NCAPD3: variants seen among roughly 807,000 people sequenced by gnomAD.
NCAPD3 encodes the protein condensin-2 complex subunit D3.
NCAPD3 carries 105 observed loss-of-function variants against 182.9 expected under a neutral mutation model. The ratio of observed to expected loss-of-function variants is 0.57; its 90% CI spans 0.49 to 0.68. The LOEUF is 0.68. Ranked by LOEUF, NCAPD3 falls within the 30% of genes least tolerant of loss-of-function variation. The probability of loss-of-function intolerance (pLI) is 0.00; values close to 1 mark genes in which losing one functional copy is unlikely to be tolerated. For synonymous variants in NCAPD3, 815 were observed against 679.9 expected (o/e 1.20, Z -3.09); for missense variants, 1,944 against 1,837.0 (o/e 1.06, Z -1.07).
chr11:134,167,725 C>T (rs1445677324), intron 27 of NCAPD3, among the ~76,000 whole-genome samples: 20 of 120,084 alleles, frequency 1.7e-4, no homozygotes, highest in African/African-American at 4.3e-4. Flanking sequence ...TTGGGGGAGG[C>T]GCACACTCGT....
chr11:134,152,839 G>T lies in NCAPD3; in HGVS notation c.*105C>A. ...GAGCTCTCGTGTTCCACAGCAAAGCGCTGCCCAAGGACTGCGGGAAGTGAT... is the reference window on the plus strand; with the variant it reads ...GAGCTCTCGTGTTCCACAGCAAAGCTCTGCCCAAGGACTGCGGGAAGTGAT... On this transcript the variant is annotated 3_prime_UTR_variant, in exon 35 of 35. Transcript: ENST00000534548. 1 of 889,422 alleles carries T rather than the reference G, an allele frequency of 1.1e-6. No homozygotes were observed. Among genetic ancestry groups the T allele is most frequent in the Non-Finnish European group, 1.7e-6 (1 of 572,340 alleles). 55.1% of individuals were successfully genotyped at this position (889,422 alleles called of 1,614,324 possible).
At position 134,152,813 on chromosome 11, in the gene NCAPD3, G is replaced by A; in HGVS notation, c.*131C>T. On this transcript the variant is annotated 3_prime_UTR_variant, in exon 35 of 35. Transcript: ENST00000534548. The stretch of plus-strand genomic sequence containing the variant: ...AAGGTGAGTGCCAGGCCCCTGAGGA[G>A]GAGCTCTCGTGTTCCACAGCAAAGC... 1.5e-6 allele frequency: 1 copy of A among 688,978 alleles called. No homozygotes were observed. The highest frequency in any genetic ancestry group is 2.5e-6 in the Non-Finnish European group (1 of 402,158). The allele number at this position is 688,978 out of a possible 1,614,324, so 42.7% of individuals were successfully genotyped here. A position where few individuals can be genotyped will look rare whatever the true frequency, so the allele number is the denominator to read the frequency against.
rs1303781776 is a variant in NCAPD3, at chr11:134,204,228, C to T, written c.1090-57G>A. The T allele has an allele frequency of 5.7e-6, 9 of 1,584,476 alleles. No individual in the cohort carries two copies. Among genetic ancestry groups the T allele is most frequent in the Non-Finnish European group, 6.9e-6 (8 of 1,162,040 alleles). On this transcript the variant is annotated intron_variant, in intron 9 of 34. Coordinates refer to ENST00000534548, the MANE Select transcript of NCAPD3 (RefSeq NM_015261.3). The surrounding 1 kb of genome is among the most constrained non-coding windows in gnomAD (Gnocchi z 4.3). The stretch of plus-strand genomic sequence containing the variant: ...ATATCCACCCGCAGGATGGCTGAAA[C>T]ATATTCTGTAATATAAGTTGAAAGT...
Position 134,178,810 on chromosome 11 carries a change from CA to C in NCAPD3, c.2674+11del, listed in dbSNP as rs151233367. ...GCATGCGTGCTACAGAGTATGATTT[CA>C]AATGCCTTACAGTGGTCAGCATCAG... is the stretch of plus-strand genomic sequence containing the variant. On this transcript the variant is annotated intron_variant, in intron 21 of 34. Transcript: ENST00000534548. The C allele has an allele frequency of 1.5e-5, 24 of 1,613,772 alleles. No homozygotes were observed. The highest frequency in any genetic ancestry group is 1.9e-5 in the Non-Finnish European group (23 of 1,179,716).
chr11:134,159,925 C>T lies in NCAPD3; in HGVS notation c.3834G>A (p.Thr1278=), dbSNP rs746836511. The T allele has an allele frequency of 5.8e-5, 93 of 1,613,554 alleles. No individual in the cohort carries two copies. Among genetic ancestry groups the T allele is most frequent in the Admixed American group, 6.7e-5 (4 of 60,006 alleles). ...CAGGTGCCACCTCAGCACCTCCAGCCGTCCCGGCCACATCTGCATGTTTTG... is the reference window on the plus strand; with the variant it reads ...CAGGTGCCACCTCAGCACCTCCAGCTGTCCCGGCCACATCTGCATGTTTTG... ...ELAKHADVAG[T]AGGAEVAPVA... Residue 1278 remains threonine, a synonymous_variant, in exon 29 of 35, where the codon ACG becomes ACA. Transcript: ENST00000534548.
intron 26 of NCAPD3, 39 bp downstream of exon 26, chr11:134,168,430 G>A: frequency 6.2e-7 from 1 of 1,610,684 alleles, no homozygotes; most frequent in Non-Finnish European, 8.5e-7. Flanking sequence ...CATTTCATTT[G>A]CAAACACACA....
At chr11:134,223,759 C>T in intron 1 of NCAPD3, 104 bp downstream of exon 1, 1 of 1,383,190 alleles carries the variant, frequency 7.2e-7, no homozygotes, top group Non-Finnish European at 1.0e-6. Context: ...CAGCCGGGCG[C>T]CCCCACCCCG....
intron 3 of NCAPD3, among the ~76,000 whole-genome samples, chr11:134,210,711 G>A (rs374388608): frequency 1.3e-5 from 2 of 152,104 alleles, no homozygotes; most frequent in East Asian, 3.9e-4. Context: ...TAGAAAACTG[G>A]GCAAAAATTT....
intron 24 of NCAPD3, among the ~76,000 whole-genome samples, chr11:134,170,452 C>G (rs567917584): frequency 4.9e-4 from 75 of 152,334 alleles, no homozygotes; most frequent in African/African-American, 1.6e-3. Flanking sequence ...AAAAAAACCA[C>G]TAAACAAACA....
chr11:134,180,106 G>T (rs887660346), intron 20 of NCAPD3, among the ~76,000 whole-genome samples: 1 of 152,022 alleles, frequency 6.6e-6, no homozygotes, highest in Non-Finnish European at 1.5e-5. Flanking sequence ...AATGAGAAGA[G>T]CAAGACCCTC....
chr11:134,168,359 G>A, intron 26 of NCAPD3, 110 bp downstream of exon 26: 2 of 1,522,338 alleles, frequency 1.3e-6, no homozygotes, highest in Admixed American at 3.4e-5. Flanking sequence ...AGATGACAGG[G>A]GTCTTCCTGC....
At chr11:134,183,342 G>A (rs1038192606) in intron 19 of NCAPD3, among the ~76,000 whole-genome samples, 1 of 152,156 alleles carries the variant, frequency 6.6e-6, no homozygotes, top group African/African-American at 2.4e-5. Context: ...GCTGAAGCAG[G>A]CGATCACTTG....
intron 24 of NCAPD3, among the ~76,000 whole-genome samples, chr11:134,175,666 C>A (rs1944143139): frequency 6.6e-6 from 1 of 152,006 alleles, no homozygotes; most frequent in Non-Finnish European, 1.5e-5. Context: ...TGCAGACTTG[C>A]TTGAAAAAGA....
chr11:134,168,825 G>T, intron 25 of NCAPD3, 92 bp downstream of exon 25: 1 of 1,488,088 alleles, frequency 6.7e-7, no homozygotes, highest in Non-Finnish European at 9.1e-7. Flanking sequence ...CAGGGTCTGC[G>T]TCCAATCACT....
At position 134,153,376 on chromosome 11, in the gene NCAPD3, G is replaced by GAGAC. The variant is rs758111312; in HGVS notation, c.4253-17_4253-14dup. The stretch of plus-strand genomic sequence containing the variant: ...TCACTGATGCTCTCTGCATAAAGAG[G>GAGAC]AGACACCACTGAGTGAAAGCCGCGT... On this transcript the variant is annotated splice_polypyrimidine_tract_variant and intron_variant, in intron 32 of 34. Transcript: ENST00000534548. The GAGAC allele has an allele frequency of 1.2e-6, 2 of 1,613,886 alleles. No individual in the cohort carries two copies. The highest frequency in any genetic ancestry group is 8.5e-7 in the Non-Finnish European group (1 of 1,179,864).
chr11:134,168,961 G>A lies in NCAPD3; in HGVS notation c.3195C>T (p.Asn1065=), dbSNP rs1226853080. The change falls in exon 25 of 35, where the codon AAC becomes AAT. Residue 1065 remains asparagine, a synonymous_variant. Transcript: ENST00000534548. ...HFIECIFHFN[N]YEKHEKYNKF... Reference sequence around the variant, plus strand: ...TGTTGTACTTCTCATGCTTCTCATAGTTATTAAAGTGAAAAATACATTCAA... The same window carrying A: ...TGTTGTACTTCTCATGCTTCTCATAATTATTAAAGTGAAAAATACATTCAA... 4 of 1,613,852 alleles carry A rather than the reference G, an allele frequency of 2.5e-6. No homozygotes were observed. The highest frequency in any genetic ancestry group is 1.3e-5 in the African/African-American group (1 of 74,882).
rs778651677 is a variant in NCAPD3 at position 134,203,876 on chromosome 11, C to T, written c.1246G>A (p.Val416Ile). The T allele has an allele frequency of 1.3e-5, 21 of 1,614,032 alleles. No homozygotes were observed. Among genetic ancestry groups the T allele is most frequent in the Non-Finnish European group, 1.7e-5 (20 of 1,179,950 alleles). The change falls in exon 11 of 35, where the codon GTC becomes ATC. Residue 416 changes from valine to isoleucine, a missense_variant. Around this residue, in one of 3 missense-constraint regions of NCAPD3, gnomAD observed 1,803 missense variants for 1,674.6 expected, o/e 1.08. Transcript: ENST00000534548. The part of the protein sequence containing the change: ...IPHRVFTLDV[V>I]LALLELPERE... The stretch of plus-strand genomic sequence containing the variant: ...TCAGGCAGTTCTAACAGAGCTAAGA[C>T]AACATCAAGAGTAAAAACCCGGTGT...
At position 134,216,917 on chromosome 11, in the gene NCAPD3, T is replaced by C. The variant is rs1452829965; in HGVS notation, c.382+19A>G. On this transcript the variant is annotated intron_variant, in intron 3 of 34. Coordinates refer to ENST00000534548, the MANE Select transcript of NCAPD3 (RefSeq NM_015261.3). The stretch of plus-strand genomic sequence containing the variant: ...AAAAAATGACAGAAGATTTATCCTA[T>C]CATATCAGGTCTACATACCTGGTAC... 3 of 1,578,148 alleles carry C rather than the reference T, an allele frequency of 1.9e-6. No individual in the cohort carries two copies. Among genetic ancestry groups the C allele is most frequent in the African/African-American group, 1.4e-5 (1 of 72,800 alleles).
chr11:134,222,622 T>C (rs1431512734), intron 1 of NCAPD3, among the ~76,000 whole-genome samples: 1 of 152,170 alleles, frequency 6.6e-6, no homozygotes, highest in Non-Finnish European at 1.5e-5. Context: ...TGGATGAGTG[T>C]TAAAATAATA....
Sources: allele counts gnomAD v4.1 joint callset (sites outside exome capture counted in the v4.1 genomes callset), GRCh38; gene constraint gnomAD v4.1.1; regional missense constraint gnomAD v4.1.1; non-coding constraint Gnocchi (gnomAD v3.1); transcripts MANE v1.5; gene names NCBI Gene and HGNC (gene_info 2026-07-23, HGNC 2026-07-21).